The following TMED10 variants were observed in gnomAD, a reference collection of about 807,000 sequenced individuals.
The protein encoded by TMED10 is transmembrane p24 trafficking protein 10, also known as transmembrane emp24 domain-containing protein 10.
Under a neutral mutation model 23.1 loss-of-function variants are expected in TMED10, and 7 were observed. That is an observed-to-expected ratio of 0.30 (90% CI 0.17 to 0.57). The LOEUF is 0.57. Among genes scored for constraint, TMED10 ranks in the 20% least tolerant of loss-of-function variants. The probability of loss-of-function intolerance (pLI) is 0.91; values close to 1 mark genes in which losing one functional copy is unlikely to be tolerated. For synonymous variants in TMED10, 113 were observed against 106.9 expected (o/e 1.06, Z -0.35); for missense variants, 162 against 274.8 (o/e 0.59, Z 2.90).
chr14:75,156,717 G>A (rs556145044), intron 1 of TMED10, among the ~76,000 whole-genome samples: 44 of 152,014 alleles, frequency 2.9e-4, no homozygotes, highest in Non-Finnish European at 5.6e-4. Context: ...AGGCCGAGGT[G>A]GGTGGATCAT....
At chr14:75,141,427 A>G (rs1226381118) in intron 3 of TMED10, among the ~76,000 whole-genome samples, 2 of 152,210 alleles carry the variant, frequency 1.3e-5, no homozygotes, top group Non-Finnish European at 2.9e-5. Context: ...ATAGCAAATA[A>G]AAGGCTCAAA....
chr14:75,135,674 T>C, intron 4 of TMED10, 86 bp downstream of exon 4: 1 of 1,550,512 alleles, frequency 6.4e-7, no homozygotes, highest in Non-Finnish European at 8.7e-7. Flanking sequence ...TTGGCAAAAC[T>C]GAGAAAAGGG....
chr14:75,142,216 G>T (rs1323315208), intron 3 of TMED10, among the ~76,000 whole-genome samples: 1 of 152,138 alleles, frequency 6.6e-6, no homozygotes, highest in Non-Finnish European at 1.5e-5. Flanking sequence ...TATCCCCCTG[G>T]CAAGCTGCAT....
chr14:75,146,647 T>C (rs1895886078), intron 3 of TMED10, among the ~76,000 whole-genome samples: 1 of 152,108 alleles, frequency 6.6e-6, no homozygotes, highest in Non-Finnish European at 1.5e-5. Context: ...AAAAAGGCTG[T>C]TGTCCTTCTC....
At chr14:75,164,269 T>C (rs975865593) in intron 1 of TMED10, among the ~76,000 whole-genome samples, 1 of 145,542 alleles carries the variant, frequency 6.9e-6, no homozygotes, top group African/African-American at 2.6e-5. Flanking sequence ...ATTTGCACTG[T>C]TGCTCAGGCT....
chr14:75,139,713 A>G lies in TMED10; in HGVS notation c.412-3827T>C, dbSNP rs551407190. ...TTTCAGACCTTCATTAGTGGGATGA[A>G]GGTCTCATTTTGGTCTCATTTCCTA... On this transcript the variant is annotated intron_variant, in intron 3 of 4. Transcript: ENST00000303575. Among the ~76,000 whole-genome samples, 67 of 152,206 alleles carry G rather than the reference A, an allele frequency of 4.4e-4. 2 individuals are homozygous for G. In the South Asian group the frequency reaches 0.01, roughly 23 times the overall value.
chr14:75,135,038 T>C (rs755461163), intron 4 of TMED10, 32 bp from the exon 5 acceptor site: 2 of 1,611,804 alleles, frequency 1.2e-6, no homozygotes, highest in East Asian at 2.2e-5. Flanking sequence ...GTAAACATAA[T>C]GAAGTGAGCC....
chr14:75,139,804 G>A (rs963225377), intron 3 of TMED10, among the ~76,000 whole-genome samples: 1 of 151,958 alleles, frequency 6.6e-6, no homozygotes, highest in African/African-American at 2.4e-5. Context: ...AAATCTTAAA[G>A]AAATCTCAAG....
chr14:75,138,282 A>G (rs1895777557), intron 3 of TMED10, among the ~76,000 whole-genome samples: 1 of 152,280 alleles, frequency 6.6e-6, no homozygotes, highest in African/African-American at 2.4e-5. Context: ...TTTAAGGTCC[A>G]TAAAAATATG....
At chr14:75,148,780 T>C (rs1342211503) in intron 2 of TMED10, among the ~76,000 whole-genome samples, 1 of 152,206 alleles carries the variant, frequency 6.6e-6, no homozygotes, top group Admixed American at 6.5e-5. Context: ...ACTCACTAAG[T>C]ACTAAAACTG....
chr14:75,153,636 A>C (rs1439810130), intron 1 of TMED10, among the ~76,000 whole-genome samples: 1 of 152,226 alleles, frequency 6.6e-6, no homozygotes, highest in Non-Finnish European at 1.5e-5. Flanking sequence ...GGATGTTCTA[A>C]TGCTATTTGT....
At position 75,148,705 on chromosome 14, in the gene TMED10, T is replaced by C. The variant is rs566621820; in HGVS notation, c.338-968A>G. On this transcript the variant is annotated intron_variant, in intron 2 of 4. Transcript: ENST00000303575. ...CACTGAATGGTACTGTACCCTCTGA[T>C]GCCTGAGAGACACTGGAAGTTTTCT... is the stretch of plus-strand genomic sequence containing the variant. Among the ~76,000 whole-genome samples the C allele has an allele frequency of 7.2e-5, 11 of 152,340 alleles. No homozygotes were observed. The South Asian group carries it at 2.1e-3, about 29-fold the overall frequency.
chr14:75,137,392 G>A (rs1319588297), intron 3 of TMED10, among the ~76,000 whole-genome samples: 1 of 149,584 alleles, frequency 6.7e-6, no homozygotes. Flanking sequence ...TCTGTTTCTG[G>A]CCGGGTGTGG....
At chr14:75,174,597 G>A (rs967939103) in intron 1 of TMED10, among the ~76,000 whole-genome samples, 1 of 152,074 alleles carries the variant, frequency 6.6e-6, no homozygotes, top group African/African-American at 2.4e-5. Context: ...TACCCAAACA[G>A]AATAATAAAA....
chr14:75,163,001 G>A (rs972940549), intron 1 of TMED10, among the ~76,000 whole-genome samples: 2 of 151,908 alleles, frequency 1.3e-5, no homozygotes, highest in African/African-American at 2.4e-5. Context: ...TTAGGAGGCC[G>A]AAAGGGGAGG....
chr14:75,135,912 C>T (rs1171166711), intron 3 of TMED10, 26 bp from the exon 4 acceptor site: 5 of 1,611,618 alleles, frequency 3.1e-6, no homozygotes, highest in Non-Finnish European at 4.2e-6. Flanking sequence ...ATATTTTCAG[C>T]TCTCTGAAAA....
chr14:75,136,145 A>G (rs540935671), intron 3 of TMED10, among the ~76,000 whole-genome samples: 154 of 152,308 alleles, frequency 1.0e-3, no homozygotes, highest in African/African-American at 3.4e-3. Flanking sequence ...AGTAAGATAT[A>G]CTATTGTCTC....
At chr14:75,154,361 C>T (rs1233820353) in intron 1 of TMED10, among the ~76,000 whole-genome samples, 1 of 119,056 alleles carries the variant, frequency 8.4e-6, no homozygotes, top group African/African-American at 3.3e-5. Flanking sequence ...GAGACTGTGC[C>T]ACTGCACTCC....
chr14:75,173,783 T>A (rs1338134280), intron 1 of TMED10, among the ~76,000 whole-genome samples: 5 of 152,176 alleles, frequency 3.3e-5, no homozygotes. Flanking sequence ...CAGGCTGGAG[T>A]GCAGTGGCAC....
Sources: allele counts gnomAD v4.1 joint callset (sites outside exome capture counted in the v4.1 genomes callset), GRCh38; gene constraint gnomAD v4.1.1; transcripts MANE v1.5; gene names NCBI Gene and HGNC (gene_info 2026-07-23, HGNC 2026-07-21).